Variants in FRMD3 observed in about 807,000 individuals in gnomAD.
The protein encoded by FRMD3 is FERM domain containing 3.
In FRMD3, 33 loss-of-function variants were observed where a neutral mutation model predicts 70.2. That is an observed-to-expected ratio of 0.47 (90% confidence interval 0.36 to 0.63). FRMD3 has a LOEUF of 0.63. Ranked by LOEUF, FRMD3 falls within the 20% of genes least tolerant of loss-of-function variation. The probability of loss-of-function intolerance (pLI) is 0.00; values close to 1 mark genes in which losing one functional copy is unlikely to be tolerated. For missense variants in FRMD3, 632 were observed against 711.4 expected (o/e 0.89, Z 1.27); for synonymous variants, 279 against 255.9 (o/e 1.09, Z -0.86).
intron 1 of FRMD3, among the ~76,000 whole-genome samples, chr9:83,485,412 G>A (rs1381174156): frequency 1.3e-5 from 2 of 152,154 alleles, no homozygotes; most frequent in African/African-American, 2.4e-5. Flanking sequence ...ACAGTGCATC[G>A]TTCTTTCCTG....
At chr9:83,479,398 A>AGGAG (rs578180131) in intron 1 of FRMD3, among the ~76,000 whole-genome samples, 7,741 of 107,926 alleles carry the variant, frequency 0.072, 375 homozygotes, top group South Asian at 0.12. Context: ...AAAGGAAGAA[A>AGGAG]GGAGGGAGGG....
At chr9:83,332,716 G>C (rs1823430089) in intron 6 of FRMD3, among the ~76,000 whole-genome samples, 2 of 152,180 alleles carry the variant, frequency 1.3e-5, no homozygotes, top group Admixed American at 1.3e-4. Flanking sequence ...CAGAAAGCAG[G>C]AAGGAAGAAG....
chr9:83,252,346 A>G (rs1832468662), intron 13 of FRMD3, among the ~76,000 whole-genome samples: 2 of 152,190 alleles, frequency 1.3e-5, no homozygotes, highest in South Asian at 4.1e-4. Flanking sequence ...CCACTGTACC[A>G]GCCTTGCAAG....
the FRMD3 span, among the ~76,000 whole-genome samples, chr9:83,548,522 G>A: frequency 6.6e-6 from 1 of 152,080 alleles, no homozygotes; most frequent in Admixed American, 6.6e-5. Flanking sequence ...ACTAGGAAAG[G>A]CAAAACTATG....
intron 6 of FRMD3, among the ~76,000 whole-genome samples, chr9:83,325,024 G>A (rs900839106): frequency 2.6e-5 from 4 of 152,202 alleles, no homozygotes; most frequent in Non-Finnish European, 5.9e-5. Context: ...TTTTAAAAAA[G>A]CAAGGCAGAT....
intron 1 of FRMD3, among the ~76,000 whole-genome samples, chr9:83,524,806 T>C (rs1829651270): frequency 1.3e-5 from 2 of 152,178 alleles, no homozygotes; most frequent in South Asian, 4.1e-4. Flanking sequence ...TATAGAAAGC[T>C]TGCTGCTAAA....
chr9:83,561,978 T>A, the FRMD3 span, among the ~76,000 whole-genome samples: 2 of 152,300 alleles, frequency 1.3e-5, no homozygotes, highest in Admixed American at 6.5e-5. Context: ...AGGGAACATA[T>A]CTTATGCATC....
chr9:83,425,669 G>T (rs1826781026), intron 1 of FRMD3, among the ~76,000 whole-genome samples: 1 of 152,150 alleles, frequency 6.6e-6, no homozygotes, highest in Non-Finnish European at 1.5e-5. Context: ...ACTATGGGAG[G>T]CCGAGGCGGG....
intron 9 of FRMD3, among the ~76,000 whole-genome samples, chr9:83,310,207 G>A (rs1184819870): frequency 6.6e-6 from 1 of 152,184 alleles, no homozygotes; most frequent in Non-Finnish European, 1.5e-5. Context: ...GGCAAAAAGA[G>A]GTAGGGAGAG....
the FRMD3 span, among the ~76,000 whole-genome samples, chr9:83,575,454 CA>C: frequency 2.0e-5 from 3 of 152,108 alleles, no homozygotes; most frequent in Non-Finnish European, 4.4e-5. Context: ...GGAGGAAAAG[CA>C]GCTCTTTCTC....
At chr9:83,385,107 A>G (rs2131287583) in intron 2 of FRMD3, among the ~76,000 whole-genome samples, 2 of 152,266 alleles carry the variant, frequency 1.3e-5, no homozygotes, top group East Asian at 3.9e-4. Flanking sequence ...AAATCCAGCT[A>G]ATTATTTCAA....
chr9:83,300,376 G>A (rs895336928), intron 10 of FRMD3, among the ~76,000 whole-genome samples: 26 of 152,228 alleles, frequency 1.7e-4, no homozygotes, highest in Admixed American at 4.6e-4. Context: ...GCCAGCAGGC[G>A]CAAAGCCATC....
intron 3 of FRMD3, among the ~76,000 whole-genome samples, chr9:83,370,909 T>TA (rs926367496): frequency 5.9e-5 from 9 of 151,306 alleles, no homozygotes; most frequent in South Asian, 2.1e-4. Flanking sequence ...GACCCTGTCT[T>TA]AAAAAAAAAT....
intron 1 of FRMD3, among the ~76,000 whole-genome samples, chr9:83,426,453 C>T (rs1377586122): frequency 2.6e-5 from 4 of 152,302 alleles, no homozygotes; most frequent in South Asian, 4.1e-4. Flanking sequence ...TGGCAGAGGC[C>T]GGCCCCGGTG....
chr9:83,322,928 C>G (rs1835857129), intron 6 of FRMD3, among the ~76,000 whole-genome samples: 1 of 152,210 alleles, frequency 6.6e-6, no homozygotes, highest in Non-Finnish European at 1.5e-5. Context: ...GCACATACTC[C>G]TATATCTAGT....
intron 1 of FRMD3, among the ~76,000 whole-genome samples, chr9:83,519,050 C>T (rs1829515217): frequency 6.6e-6 from 1 of 152,128 alleles, no homozygotes; most frequent in East Asian, 1.9e-4. Flanking sequence ...TAGAAGAAAA[C>T]CTAGGCAATA....
intron 1 of FRMD3, among the ~76,000 whole-genome samples, chr9:83,428,262 C>T (rs1334999809): frequency 6.6e-6 from 1 of 151,944 alleles, no homozygotes; most frequent in Non-Finnish European, 1.5e-5. Context: ...CCTGTAATCC[C>T]AGCTACTTGG....
chr9:83,513,870 T>A (rs1829393454), intron 1 of FRMD3, among the ~76,000 whole-genome samples: 1 of 152,060 alleles, frequency 6.6e-6, no homozygotes, highest in African/African-American at 2.4e-5. Flanking sequence ...GTTGGGGAAC[T>A]CCCTCCCCTA....
Position 83,374,373 on chromosome 9 carries a change from A to C in FRMD3, c.253-1418T>G, listed in dbSNP as rs532081110. Among the ~76,000 whole-genome samples, 12 of 147,494 alleles carry C rather than the reference A, an allele frequency of 8.1e-5. No homozygotes were observed. The South Asian group carries it at 2.6e-3, about 32-fold the overall frequency. On this transcript the variant is annotated intron_variant, in intron 2 of 13. Transcript: ENST00000304195. ...TCTTATAAGAGTTTCAACATTATGG[A>C]AAGTCACACACACAAAAAAACATAT...
Sources: gnomAD v4.1 joint callset for allele counts (sites outside exome capture counted in the v4.1 genomes callset) on GRCh38, gnomAD v4.1.1 for gene constraint, MANE v1.5 for transcripts, NCBI Gene and HGNC (gene_info 2026-07-23, HGNC 2026-07-21) for gene names.